SULF1: variants seen among roughly 807,000 people sequenced by gnomAD.
SULF1 encodes sulfatase 1, also known as extracellular sulfatase Sulf-1.
SULF1 carries 46 observed loss-of-function variants against 110.5 expected under a neutral mutation model. The ratio of observed to expected loss-of-function variants is 0.42; its 90% CI spans 0.33 to 0.53. SULF1 has a LOEUF of 0.53. SULF1 is among the 20% of genes least tolerant of loss of function. The probability of loss-of-function intolerance (pLI) is 0.12; values close to 1 mark genes in which losing one functional copy is unlikely to be tolerated. For synonymous variants in SULF1, 371 were observed against 387.1 expected (o/e 0.96, Z 0.49); for missense variants, 941 against 1,094.2 (o/e 0.86, Z 1.98).
chr8:69,585,133 A>G (rs755354213), intron 6 of SULF1, among the ~76,000 whole-genome samples: 2 of 152,126 alleles, frequency 1.3e-5, no homozygotes, highest in African/African-American at 2.4e-5. Flanking sequence ...ACATATGTAT[A>G]TGCATGCATA....
At chr8:69,642,252 G>T (rs1811538577) in intron 22 of SULF1, 2 of 986,158 alleles carry the variant, frequency 2.0e-6, no homozygotes, top group South Asian at 9.4e-5. Flanking sequence ...ACCCTGTTCG[G>T]CCCCTCTAAC....
chr8:69,585,032 A>G (rs1010516159), intron 6 of SULF1, among the ~76,000 whole-genome samples: 3 of 152,348 alleles, frequency 2.0e-5, no homozygotes, highest in East Asian at 3.9e-4. Context: ...GAGGGCACCT[A>G]TAAAATCTGT....
At chr8:69,515,419 G>C (rs546888038) in intron 3 of SULF1, among the ~76,000 whole-genome samples, 2 of 152,244 alleles carry the variant, frequency 1.3e-5, no homozygotes, top group African/African-American at 4.8e-5. Context: ...CATGTCCCAG[G>C]GCTGCATAGA....
At chr8:69,510,999 A>T (rs1372555458) in intron 3 of SULF1, among the ~76,000 whole-genome samples, 3 of 150,570 alleles carry the variant, frequency 2.0e-5, no homozygotes, top group Non-Finnish European at 3.0e-5. Flanking sequence ...TTGTCAATGT[A>T]TCAGGTATTC....
chr8:69,509,105 T>C (rs1311337221), intron 3 of SULF1, among the ~76,000 whole-genome samples: 1 of 152,208 alleles, frequency 6.6e-6, no homozygotes, highest in African/African-American at 2.4e-5. Flanking sequence ...TAAAAGCACT[T>C]GTAGGGGGAG....
chr8:69,532,655 T>A (rs1264090297), intron 3 of SULF1, among the ~76,000 whole-genome samples: 1 of 152,226 alleles, frequency 6.6e-6, no homozygotes, highest in Non-Finnish European at 1.5e-5. Flanking sequence ...CTGTTTGACC[T>A]ATACATATAA....
chr8:69,606,562 T>C lies in SULF1; in HGVS notation c.1377+1630T>C, dbSNP rs575949502. On this transcript the variant is annotated intron_variant, in intron 13 of 22. Transcript: ENST00000402687. ...CTCTAAGAGGTGAACATTATAGCCT[T>C]TTGGGAATAAGGTACACTGCCTACA... is the stretch of plus-strand genomic sequence containing the variant. 1.6e-4 allele frequency among the ~76,000 whole-genome samples: 25 copies of C among 152,324 alleles called. No homozygotes were observed. The South Asian group carries it at 3.1e-3, about 19-fold the overall frequency.
At chr8:69,470,493 C>T (rs892524209) in intron 1 of SULF1, among the ~76,000 whole-genome samples, 3 of 151,826 alleles carry the variant, frequency 2.0e-5, no homozygotes, top group Non-Finnish European at 4.4e-5. Context: ...TCATATTTTC[C>T]TCTCCCCTAT....
intron 6 of SULF1, among the ~76,000 whole-genome samples, chr8:69,583,559 G>T (rs998689961): frequency 1.3e-5 from 2 of 152,082 alleles, no homozygotes; most frequent in African/African-American, 4.8e-5. Flanking sequence ...GGGCAACAGG[G>T]TAAGACTCCA....
intron 2 of SULF1, among the ~76,000 whole-genome samples, chr8:69,499,406 A>C (rs1810630630): frequency 6.6e-6 from 1 of 152,340 alleles, no homozygotes; most frequent in Non-Finnish European, 1.5e-5. Flanking sequence ...GTTTTAACTA[A>C]GTATTCATTA....
At chr8:69,596,588 A>C (rs1023919864) in intron 8 of SULF1, among the ~76,000 whole-genome samples, 1 of 152,140 alleles carries the variant, frequency 6.6e-6, no homozygotes, top group Admixed American at 6.6e-5. Flanking sequence ...GGAAGAAAGG[A>C]TATATCAATT....
rs1188451587 is a variant in SULF1 at position 69,591,071 on chromosome 8, G to A, written c.734+1930G>A. ...CCCTCAAGCTGGAGGAGAAGGGGTT[G>A]ACAAAACAGAGTGTTTTGTGGCTCC... On this transcript the variant is annotated intron_variant, in intron 8 of 22. Coordinates refer to ENST00000402687, the MANE Select transcript of SULF1 (RefSeq NM_001128205.2). Among the ~76,000 whole-genome samples the A allele has an allele frequency of 3.3e-5, 5 of 152,172 alleles. No homozygotes were observed. In the East Asian group the frequency reaches 7.7e-4, roughly 23 times the overall value.
chr8:69,637,594 A>AATGTT (rs1348546103), intron 19 of SULF1: 3 of 154,074 alleles, frequency 1.9e-5, no homozygotes, highest in African/African-American at 7.2e-5. Context: ...AATATCAAAC[A>AATGTT]GCAAATTTCA....
intron 19 of SULF1, among the ~76,000 whole-genome samples, chr8:69,632,618 C>G (rs981776244): frequency 1.3e-5 from 2 of 152,076 alleles, no homozygotes; most frequent in Non-Finnish European, 2.9e-5. Context: ...TCCTCCAATG[C>G]AATGGTCTCT....
chr8:69,643,882 G>C (rs1307825238), intron 22 of SULF1, among the ~76,000 whole-genome samples: 1 of 152,184 alleles, frequency 6.6e-6, no homozygotes, highest in Non-Finnish European at 1.5e-5. Context: ...TTGCAAAATA[G>C]AGAAAAATCA....
intron 3 of SULF1, among the ~76,000 whole-genome samples, chr8:69,535,558 A>G (rs1810702149): frequency 6.6e-6 from 1 of 152,178 alleles, no homozygotes; most frequent in Non-Finnish European, 1.5e-5. Context: ...CCTGGAAAGG[A>G]AAAAGGCAAA....
At position 69,603,180 on chromosome 8, in the gene SULF1, G is replaced by A; in HGVS notation, c.1062-12G>A. The A allele has an allele frequency of 6.2e-7, 1 of 1,613,994 alleles. No homozygotes were observed. Among genetic ancestry groups the A allele is most frequent in the Non-Finnish European group, 8.5e-7 (1 of 1,179,964 alleles). ...CATTGGATCTCAGCCATCACCGTGT[G>A]CCCCTTTACAGAGTCCCACAGATCG... On this transcript the variant is annotated splice_polypyrimidine_tract_variant and intron_variant, in intron 10 of 22. Transcript: ENST00000402687.
intron 3 of SULF1, among the ~76,000 whole-genome samples, chr8:69,532,425 A>G (rs909890008): frequency 6.6e-6 from 1 of 152,078 alleles, no homozygotes; most frequent in African/African-American, 2.4e-5. Context: ...TAATAGATCC[A>G]TTAGCATTGT....
chr8:69,540,017 A>G (rs1813755700), intron 3 of SULF1, among the ~76,000 whole-genome samples: 1 of 152,210 alleles, frequency 6.6e-6, no homozygotes, highest in African/African-American at 2.4e-5. Context: ...CATTACAGTG[A>G]TCTGGAAAAG....
Sources: allele counts gnomAD v4.1 joint callset (sites outside exome capture counted in the v4.1 genomes callset), GRCh38; gene constraint gnomAD v4.1.1; transcripts MANE v1.5; gene names NCBI Gene and HGNC (gene_info 2026-07-23, HGNC 2026-07-21).